The following SLCO6A1 variants were observed in gnomAD, a reference collection of about 807,000 sequenced individuals.
The protein encoded by SLCO6A1 is solute carrier organic anion transporter family member 6A1, also known as cancer/testis antigen 48.
Under a neutral mutation model 72.7 loss-of-function variants are expected in SLCO6A1, and 65 were observed. The ratio of observed to expected loss-of-function variants is 0.89; its 90% CI spans 0.73 to 1.10. SLCO6A1 has a LOEUF of 1.10. SLCO6A1 is among the 50% of genes least tolerant of loss of function. The pLI is 0.00. For missense variants in SLCO6A1, 874 were observed against 872.6 expected, an observed-to-expected ratio of 1.00 and a Z score of -0.02; for synonymous variants, 314 against 298.2, an observed-to-expected ratio of 1.05 and a Z score of -0.55.
chr5:102,474,757 G>C (rs145795604), intron 4 of SLCO6A1, among the ~76,000 whole-genome samples: 149 of 151,812 alleles, frequency 9.8e-4, no homozygotes, highest in African/African-American at 3.5e-3. Context: ...ATGGCCAAAG[G>C]ACTTGGATTG....
chr5:102,436,584 C>G (rs934347004), intron 7 of SLCO6A1, among the ~76,000 whole-genome samples: 1 of 152,114 alleles, frequency 6.6e-6, no homozygotes, highest in Non-Finnish European at 1.5e-5. Flanking sequence ...TACATTGAAG[C>G]TGATAAGCAA....
chr5:102,438,567 C>A, intron 7 of SLCO6A1, 50 bp downstream of exon 7: 1 of 1,472,874 alleles, frequency 6.8e-7, no homozygotes, highest in Non-Finnish European at 9.2e-7. Context: ...TAAGTACATA[C>A]AATAAGACAG....
At chr5:102,493,738 A>C (rs1752787977) in intron 1 of SLCO6A1, among the ~76,000 whole-genome samples, 1 of 152,190 alleles carries the variant, frequency 6.6e-6, no homozygotes, top group Admixed American at 6.5e-5. Context: ...GTATACTAAA[A>C]AATCCTAAGG....
intron 12 of SLCO6A1, among the ~76,000 whole-genome samples, chr5:102,386,353 G>A (rs1365370936): frequency 1.3e-5 from 2 of 152,190 alleles, no homozygotes; most frequent in African/African-American, 4.8e-5. Context: ...TTGAGATGGT[G>A]CTGGGGCAGG....
At chr5:102,420,961 C>T (rs962253462) in intron 7 of SLCO6A1, among the ~76,000 whole-genome samples, 4 of 152,136 alleles carry the variant, frequency 2.6e-5, no homozygotes, top group Non-Finnish European at 4.4e-5. Flanking sequence ...GTGTAGCCCA[C>T]GGAGGCCGAG....
intron 6 of SLCO6A1, among the ~76,000 whole-genome samples, chr5:102,451,660 T>C (rs1430627190): frequency 2.6e-5 from 4 of 152,170 alleles, no homozygotes; most frequent in Non-Finnish European, 4.4e-5. Context: ...CACTTGCTGT[T>C]TCCCCTCCGT....
At chr5:102,421,149 T>C (rs896921581) in intron 7 of SLCO6A1, among the ~76,000 whole-genome samples, 2 of 152,036 alleles carry the variant, frequency 1.3e-5, no homozygotes, top group South Asian at 4.1e-4. Flanking sequence ...CTCGGGTGCC[T>C]ACACCACCAG....
At chr5:102,453,201 AT>A (rs1272949143) in intron 6 of SLCO6A1, among the ~76,000 whole-genome samples, 1 of 152,028 alleles carries the variant, frequency 6.6e-6, no homozygotes, top group Non-Finnish European at 1.5e-5. Context: ...TCTACATAAA[AT>A]TTAAAAATTA....
chr5:102,385,521 G>A (rs540220595), intron 12 of SLCO6A1, among the ~76,000 whole-genome samples: 1 of 151,852 alleles, frequency 6.6e-6, no homozygotes, highest in Non-Finnish European at 1.5e-5. Flanking sequence ...TCACTCTTCT[G>A]ACTGGGTAAT....
intron 8 of SLCO6A1, among the ~76,000 whole-genome samples, chr5:102,418,463 C>A (rs898461941): frequency 2.0e-5 from 3 of 152,094 alleles, no homozygotes; most frequent in Non-Finnish European, 2.9e-5. Context: ...GTTACACATA[C>A]AATGGCCATC....
intron 4 of SLCO6A1, among the ~76,000 whole-genome samples, chr5:102,467,575 A>G (rs1229198133): frequency 1.3e-5 from 2 of 152,072 alleles, no homozygotes; most frequent in Non-Finnish European, 2.9e-5. Flanking sequence ...TGCCCTTATC[A>G]TGTGGGGGTT....
rs187021501 is a variant in SLCO6A1, at chr5:102,422,130, A to G, written c.1277-2109T>C. On this transcript the variant is annotated intron_variant, in intron 7 of 13. Coordinates refer to ENST00000506729, the MANE Select transcript of SLCO6A1 (RefSeq NM_173488.5). ...ACCCCATCCAAAGGTCATCGGCATCAAAGATCAAAGGTAGATAAATCCATA... is the reference window on the plus strand; with the variant it reads ...ACCCCATCCAAAGGTCATCGGCATCGAAGATCAAAGGTAGATAAATCCATA... Among the ~76,000 whole-genome samples the G allele has an allele frequency of 2.0e-5, 3 of 152,340 alleles. No individual in the cohort carries two copies. In the East Asian group the frequency reaches 5.8e-4, roughly 29 times the overall value.
chr5:102,375,620 A>G (rs1745740561), intron 12 of SLCO6A1, among the ~76,000 whole-genome samples: 1 of 152,190 alleles, frequency 6.6e-6, no homozygotes, highest in South Asian at 2.1e-4. Flanking sequence ...CTTTAAAATA[A>G]TAATAGTTAT....
At chr5:102,464,805 T>C (rs933284723) in intron 4 of SLCO6A1, among the ~76,000 whole-genome samples, 1 of 152,214 alleles carries the variant, frequency 6.6e-6, no homozygotes, top group African/African-American at 2.4e-5. Flanking sequence ...CTCTTGCCAG[T>C]GCTCTTCACA....
intron 12 of SLCO6A1, among the ~76,000 whole-genome samples, chr5:102,375,269 T>C (rs939615963): frequency 4.6e-5 from 7 of 152,146 alleles, no homozygotes; most frequent in Non-Finnish European, 8.8e-5. Flanking sequence ...TTTGCCATTC[T>C]AAAGCACTAC....
chr5:102,482,220 AAAAAT>A (rs1219336304), intron 1 of SLCO6A1, among the ~76,000 whole-genome samples: 2 of 152,214 alleles, frequency 1.3e-5, no homozygotes, highest in African/African-American at 4.8e-5. Flanking sequence ...GTATTAATAG[AAAAAT>A]AAAATAGGAA....
intron 9 of SLCO6A1, among the ~76,000 whole-genome samples, chr5:102,400,417 G>C (rs1257719976): frequency 1.3e-5 from 2 of 151,922 alleles, no homozygotes; most frequent in East Asian, 3.9e-4. Context: ...ATTTTTTAGT[G>C]AAGAAAAGAG....
rs373305545 is a variant in SLCO6A1, at chr5:102,388,725, A to G, written c.1980T>C (p.Tyr660=). 7 of 1,598,752 alleles carry G rather than the reference A, an allele frequency of 4.4e-6. No individual in the cohort carries two copies. The highest frequency in any genetic ancestry group is 1.8e-5 in the Admixed American group (1 of 56,238). ...KCGHTGRCWI[Y]NKTKMAFLLV... ...ATAAGAAAGCCATTTTTGTCTTGTTATATATCCAACAACGTCCTGTGTGTC... is the reference window on the plus strand; with the variant it reads ...ATAAGAAAGCCATTTTTGTCTTGTTGTATATCCAACAACGTCCTGTGTGTC... Residue 660 remains tyrosine, a synonymous_variant, in exon 12 of 14, where the codon TAT becomes TAC. Coordinates refer to ENST00000506729, the MANE Select transcript of SLCO6A1 (RefSeq NM_173488.5).
intron 1 of SLCO6A1, among the ~76,000 whole-genome samples, chr5:102,481,277 A>G (rs1487534441): frequency 6.6e-6 from 1 of 152,076 alleles, no homozygotes; most frequent in Non-Finnish European, 1.5e-5. Flanking sequence ...TTCCTATGAC[A>G]GGGAGCTCAC....
Sources: gnomAD v4.1 joint callset for allele counts (sites outside exome capture counted in the v4.1 genomes callset) on GRCh38, gnomAD v4.1.1 for gene constraint, MANE v1.5 for transcripts, NCBI Gene and HGNC (gene_info 2026-07-23, HGNC 2026-07-21) for gene names.